THEMIS2: variants seen among roughly 807,000 people sequenced by gnomAD.
THEMIS2 encodes the protein protein THEMIS2.
A neutral mutation model predicts 46.8 loss-of-function variants in THEMIS2; 29 were observed. The ratio of observed to expected loss-of-function variants is 0.62; its 90% CI spans 0.46 to 0.84. The LOEUF is 0.84. THEMIS2 is among the 40% of genes least tolerant of loss of function. The pLI, the probability that THEMIS2 is intolerant of heterozygous loss-of-function variation, is 0.00. For missense variants in THEMIS2, 698 were observed against 834.7 expected (o/e 0.84, Z 2.02); for synonymous variants, 335 against 349.1 (o/e 0.96, Z 0.45).
At chr1:27,885,538 A>G in intron 5 of THEMIS2, 87 bp downstream of exon 5, 1 of 1,499,734 alleles carries the variant, frequency 6.7e-7, no homozygotes, top group Non-Finnish European at 8.9e-7. Context: ...GGCCCTGTCC[A>G]GGGACAGACC....
Position 27,882,456 on chromosome 1 carries a change from G to A in THEMIS2, c.1132G>A (p.Gly378Arg), listed in dbSNP as rs764066061. ...TGTGGGTGACCGGCTGGAGGTGCTG[G>A]GGCCTGGCCAGGCCCATGGGGCCCA... Reference protein sequence around the residue: ...LAVGDRLEVLGPGQAHGAQGS... With the variant: ...LAVGDRLEVLRPGQAHGAQGS... Residue 378 changes from glycine to arginine, a missense_variant, in exon 4 of 6, where the codon GGG (glycine) becomes AGG (arginine). Gly to Arg is a moderately radical substitution (Grantham distance 125). Coordinates refer to ENST00000373921, the MANE Select transcript of THEMIS2 (RefSeq NM_001105556.3). The surrounding 1 kb of genome is among the most constrained non-coding windows in gnomAD (Gnocchi z 7.6). 2.5e-6 allele frequency: 4 copies of A among 1,612,728 alleles called. No individual in the cohort carries two copies. Among genetic ancestry groups the A allele is most frequent in the Non-Finnish European group, 3.4e-6 (4 of 1,178,972 alleles).
Position 27,886,289 on chromosome 1 carries a change from A to G in THEMIS2, c.*367A>G, listed in dbSNP as rs1278014302. 2 of 279,698 alleles carry G rather than the reference A, an allele frequency of 7.2e-6. No homozygotes were observed. The highest frequency in any genetic ancestry group is 4.3e-5 in the South Asian group (1 of 23,486). 17.3% of individuals were successfully genotyped at this position (279,698 alleles called of 1,614,324 possible). A position where few individuals can be genotyped will look rare whatever the true frequency, so the allele number is the denominator to read the frequency against. ...TGACAGCAGCGCAGTGCCAATGCTG[A>G]TCACACTGCATGGGAGATTTTGTTA... On this transcript the variant is annotated 3_prime_UTR_variant, in exon 6 of 6. Transcript: ENST00000373921.
At chr1:27,885,672 T>G (rs1224256802) in intron 5 of THEMIS2, among the ~76,000 whole-genome samples, 195 bp from the exon 6 acceptor site, 1 of 152,100 alleles carries the variant, frequency 6.6e-6, no homozygotes, top group African/African-American at 2.4e-5. Flanking sequence ...CCCAACATAC[T>G]ACCCTCCCTG....
chr1:27,885,332 T>C lies in THEMIS2; in HGVS notation c.1757T>C (p.Leu586Pro), dbSNP rs1459086253. The C allele has an allele frequency of 1.2e-6, 2 of 1,614,094 alleles. No individual in the cohort carries two copies. The highest frequency in any genetic ancestry group is 2.2e-5 in the South Asian group (2 of 91,092). The change falls in exon 5 of 6, where the codon CTG (leucine) becomes CCG (proline). Residue 586 changes from leucine to proline, a missense_variant. Coordinates refer to ENST00000373921, the MANE Select transcript of THEMIS2 (RefSeq NM_001105556.3). ...QVLGLQQHARLPKPKAKTLPE... is the reference protein window; with the variant it reads ...QVLGLQQHARPPKPKAKTLPE... ...TTAGGATTGCAGCAACACGCTCGGCTGCCCAAACCCAAGGCGAAGACCTTG... is the reference window on the plus strand; with the variant it reads ...TTAGGATTGCAGCAACACGCTCGGCCGCCCAAACCCAAGGCGAAGACCTTG...
chr1:27,878,233 G>A (rs1476419892), intron 2 of THEMIS2, among the ~76,000 whole-genome samples: 2 of 151,926 alleles, frequency 1.3e-5, no homozygotes, highest in South Asian at 2.1e-4. Flanking sequence ...GTGGCTTCCA[G>A]GTTAGGGGCA....
At chr1:27,875,949 A>G (rs1462706977) in intron 1 of THEMIS2, among the ~76,000 whole-genome samples, 3 of 151,594 alleles carry the variant, frequency 2.0e-5, no homozygotes, top group Non-Finnish European at 2.9e-5. Context: ...TGATCCACCC[A>G]CCTTGGCCCC....
At chr1:27,885,745 C>A in intron 5 of THEMIS2, 122 bp from the exon 6 acceptor site, 2 of 972,714 alleles carry the variant, frequency 2.1e-6, no homozygotes, top group Non-Finnish European at 3.1e-6. Flanking sequence ...GGTTTCTAGG[C>A]TAGCAAAGAC....
chr1:27,875,562 A>G (rs1355998411), intron 1 of THEMIS2, among the ~76,000 whole-genome samples: 1 of 152,132 alleles, frequency 6.6e-6, no homozygotes, highest in Non-Finnish European at 1.5e-5. Context: ...AGGTGGCCTC[A>G]AGGTCCTGCC....
At chr1:27,884,573 C>T (rs1445947549) in intron 4 of THEMIS2, 2 of 152,288 alleles carry the variant, frequency 1.3e-5, no homozygotes, top group Non-Finnish European at 2.9e-5. Context: ...AGACCTTAGC[C>T]CGTGTCTTGG....
chr1:27,881,376 A>C (rs35119733), intron 3 of THEMIS2, among the ~76,000 whole-genome samples: 1 of 150,724 alleles, frequency 6.6e-6, no homozygotes, highest in Admixed American at 6.6e-5. Flanking sequence ...GCGTGAACCC[A>C]GGGGCTAGAG....
chr1:27,872,639 G>C lies in THEMIS2; in HGVS notation c.68G>C (p.Arg23Pro). 6.8e-7 allele frequency: 1 copy of C among 1,460,598 alleles called. No homozygotes were observed. 90.5% of individuals were successfully genotyped at this position (1,460,598 alleles called of 1,614,324 possible). Residue 23 changes from arginine to proline, a missense_variant, in exon 1 of 6, where the codon CGG (arginine) becomes CCG (proline). By Grantham distance (103) the Arg-to-Pro change is moderately radical (BLOSUM62 -2). Transcript: ENST00000373921. The surrounding 1 kb of genome is among the most constrained non-coding windows in gnomAD (Gnocchi z 4.9). The stretch of plus-strand genomic sequence containing the variant: ...CCCGCCTCCCTCCCGCGCGTGCTGC[G>C]GGTCTGCTCGGGGGTCTACTTCGAG... ...LDPASLPRVL[R>P]VCSGVYFEGS...
intron 1 of THEMIS2, among the ~76,000 whole-genome samples, chr1:27,874,508 G>T (rs2089543849): frequency 6.6e-6 from 1 of 151,942 alleles, no homozygotes; most frequent in African/African-American, 2.4e-5. Context: ...ATTGCAGGGT[G>T]TGGTGGCTCA....
Position 27,886,129 on chromosome 1 carries a change from C to G in THEMIS2, c.*207C>G. 1.8e-6 allele frequency: 1 copy of G among 567,362 alleles called. No individual in the cohort carries two copies. Among genetic ancestry groups the G allele is most frequent in the East Asian group, 3.0e-5 (1 of 33,366 alleles). The allele number at this position is 567,362 out of a possible 1,614,324, so 35.1% of individuals were successfully genotyped here. A position where few individuals can be genotyped will look rare whatever the true frequency, so the allele number is the denominator to read the frequency against. On this transcript the variant is annotated 3_prime_UTR_variant, in exon 6 of 6. Transcript: ENST00000373921. Reference sequence around the variant, plus strand: ...GCTACTTAGGGCGGGCTGGTTTGGACCTAACATCTCGCACGTGACTCCCTC... The same window carrying G: ...GCTACTTAGGGCGGGCTGGTTTGGAGCTAACATCTCGCACGTGACTCCCTC...
intron 2 of THEMIS2, among the ~76,000 whole-genome samples, chr1:27,877,323 T>A (rs1226988201): frequency 6.6e-6 from 1 of 152,096 alleles, no homozygotes; most frequent in Non-Finnish European, 1.5e-5. Flanking sequence ...TCTTATTATT[T>A]TTTTTTATTT....
chr1:27,874,235 ATT>A (rs2089539700), intron 1 of THEMIS2, among the ~76,000 whole-genome samples: 1 of 150,012 alleles, frequency 6.7e-6, no homozygotes, highest in Non-Finnish European at 1.5e-5. Context: ...GGGTTTTGTC[ATT>A]TTGCCCAGGC....
intron 3 of THEMIS2, 136 bp from the exon 4 acceptor site, chr1:27,881,835 T>TC: frequency 4.5e-6 from 3 of 659,572 alleles, no homozygotes; most frequent in Non-Finnish European, 7.4e-6. Flanking sequence ...CGAGTGAAAC[T>TC]CCATCTCAAA....
intron 1 of THEMIS2, 27 bp from the exon 2 acceptor site, chr1:27,876,561 G>A (rs754241049): frequency 6.2e-7 from 1 of 1,609,150 alleles, no homozygotes; most frequent in East Asian, 2.2e-5. Flanking sequence ...CTTGTCCAAT[G>A]GGGAAATGGA....
Position 27,876,687 on chromosome 1 carries a change from C to T in THEMIS2, c.194C>T (p.Pro65Leu), listed in dbSNP as rs780155470. 2.7e-5 allele frequency: 44 copies of T among 1,613,884 alleles called. No individual in the cohort carries two copies. In the Middle Eastern group the frequency reaches 6.6e-4, roughly 24 times the overall value. ...VRLQKVVCEN[P>L]KTSQTMELAP... ...CTCCAGAAGGTGGTCTGTGAGAACCCGAAGACCAGCCAGACCATGGAGCTC... is the reference window on the plus strand; with the variant it reads ...CTCCAGAAGGTGGTCTGTGAGAACCTGAAGACCAGCCAGACCATGGAGCTC... Residue 65 changes from proline (P) to leucine (L), a missense_variant, in exon 2 of 6, where the codon CCG (proline) becomes CTG (leucine). Pro to Leu is a moderately conservative substitution (Grantham distance 98). Coordinates refer to ENST00000373921, the MANE Select transcript of THEMIS2 (RefSeq NM_001105556.3).
Position 27,879,758 on chromosome 1 carries a change from T to C in THEMIS2, c.350T>C (p.Ile117Thr), listed in dbSNP as rs1470392768. 6.2e-7 allele frequency: 1 copy of C among 1,613,888 alleles called. No individual in the cohort carries two copies. Among genetic ancestry groups the C allele is most frequent in the Non-Finnish European group, 8.5e-7 (1 of 1,179,984 alleles). Residue 117 changes from isoleucine (I) to threonine (T), a missense_variant, in exon 3 of 6, where the codon ATT becomes ACT. Physicochemically the swap from Ile to Thr is moderately conservative, Grantham distance 89. Coordinates refer to ENST00000373921, the MANE Select transcript of THEMIS2 (RefSeq NM_001105556.3). ...LPTCFMSTHRIVTEGRVVTED... is the reference protein window; with the variant it reads ...LPTCFMSTHRTVTEGRVVTED... ...ACTTGCTTCATGTCGACCCACAGGA[T>C]TGTCACAGAGGGCAGGGTGGTGACT...
Sources: allele counts gnomAD v4.1 joint callset (sites outside exome capture counted in the v4.1 genomes callset), GRCh38; gene constraint gnomAD v4.1.1; non-coding constraint Gnocchi (gnomAD v3.1); transcripts MANE v1.5; gene names NCBI Gene and HGNC (gene_info 2026-07-23, HGNC 2026-07-21).